Variants in ARHGEF6 observed in about 807,000 individuals in gnomAD.
The protein encoded by ARHGEF6 is Rac/Cdc42 guanine nucleotide exchange factor 6.
Under a neutral mutation model 70.3 loss-of-function variants are expected in ARHGEF6, and 9 were observed. That is an observed-to-expected ratio of 0.13 (90% confidence interval 0.08 to 0.22). The LOEUF (loss-of-function observed/expected upper bound fraction) is 0.22, where lower values mean the gene tolerates loss of function less well. Among genes scored for constraint, ARHGEF6 ranks in the 10% least tolerant of loss-of-function variants. ARHGEF6 has a pLI of 1.00. For missense variants in ARHGEF6, 470 were observed against 563.0 expected (o/e 0.83, Z 1.67); for synonymous variants, 201 against 207.8 (o/e 0.97, Z 0.28).
intron 2 of ARHGEF6, among the ~76,000 whole-genome samples, chrX:136,770,620 A>G (rs2077356705): frequency 8.9e-6 from 1 of 112,627 alleles, no homozygotes; most frequent in Non-Finnish European, 1.9e-5. Context: ...CTCTTGTATA[A>G]GAAAACCATA....
chrX:136,673,852 C>T (rs986738580), intron 19 of ARHGEF6, among the ~76,000 whole-genome samples: 3 of 110,252 alleles, frequency 2.7e-5, no homozygotes, highest in Admixed American at 9.6e-5. Context: ...CTCTCTCTCC[C>T]CCCACCTCTC....
At chrX:136,767,719 G>A (rs2077332206) in intron 2 of ARHGEF6, 1 of 753,310 alleles carries the variant, frequency 1.3e-6, no homozygotes, top group African/African-American at 2.3e-5. Flanking sequence ...CCTCCTGCCC[G>A]CAGCCGGAGC....
chrX:136,671,980 C>T (rs780620214), intron 20 of ARHGEF6, 40 bp downstream of exon 20: 3 of 1,106,226 alleles, frequency 2.7e-6, no homozygotes, highest in African/African-American at 3.6e-5. Flanking sequence ...TCTTGCCAGC[C>T]CCAAGAGAAA....
chrX:136,678,510 A>T (rs1470194646), intron 16 of ARHGEF6, among the ~76,000 whole-genome samples: 1 of 112,040 alleles, frequency 8.9e-6, no homozygotes, highest in Non-Finnish European at 1.9e-5. Context: ...TATATAACAA[A>T]GATTCAGTTC....
intron 9 of ARHGEF6, among the ~76,000 whole-genome samples, chrX:136,696,811 C>T (rs912481717): frequency 1.8e-5 from 2 of 110,260 alleles, no homozygotes; most frequent in Non-Finnish European, 3.8e-5. Context: ...TTGACAGAAG[C>T]TCCATTCCGG....
At chrX:136,777,784 A>ACACC (rs2077418181) in intron 2 of ARHGEF6, among the ~76,000 whole-genome samples, 1 of 110,412 alleles carries the variant, frequency 9.1e-6, no homozygotes, top group African/African-American at 3.3e-5. Context: ...ACACACACAC[A>ACACC]CACCATGGAA....
rs891419740 is a variant in ARHGEF6, at chrX:136,665,810, C to T, written c.*2219G>A. On this transcript the variant is annotated 3_prime_UTR_variant, in exon 22 of 22. Transcript: ENST00000250617. ...TTTATATTATAGTTTAGTGTGTAAG[C>T]ATGGTTACCACTCTGCACAAGCTTC... The T allele has an allele frequency of 8.9e-6, 1 of 112,037 alleles. No individual in the cohort carries two copies. Among genetic ancestry groups the T allele is most frequent in the African/African-American group, 3.3e-5 (1 of 30,693 alleles). 9.2% of individuals were successfully genotyped at this position (112,037 alleles called of 1,213,427 possible).
intron 21 of ARHGEF6, among the ~76,000 whole-genome samples, chrX:136,668,518 C>A (rs1162721114): frequency 2.7e-4 from 26 of 97,571 alleles, no homozygotes; most frequent in African/African-American, 1.1e-3. Flanking sequence ...GGTATTTCTT[C>A]TTCTTCTTCT....
intron 2 of ARHGEF6, among the ~76,000 whole-genome samples, chrX:136,768,918 G>A (rs2077342770): frequency 9.4e-6 from 1 of 106,499 alleles, no homozygotes; most frequent in African/African-American, 3.4e-5. Context: ...GGGGGTGGGG[G>A]CAGAGAAAAA....
chrX:136,747,905 A>G (rs1293845014), intron 2 of ARHGEF6, among the ~76,000 whole-genome samples: 2 of 110,427 alleles, frequency 1.8e-5, no homozygotes, highest in Admixed American at 1.9e-4. Flanking sequence ...TGAATGTATC[A>G]ATAGTTTCAG....
chrX:136,777,519 T>C (rs2077415766), intron 2 of ARHGEF6, among the ~76,000 whole-genome samples: 1 of 111,279 alleles, frequency 9.0e-6, no homozygotes. Flanking sequence ...ACAACCACTA[T>C]GGAAAACCTT....
At position 136,667,131 on chromosome X, in the gene ARHGEF6, T is replaced by C. The variant is rs1258220909; in HGVS notation, c.*898A>G. The C allele has an allele frequency of 5.3e-5, 6 of 112,526 alleles. No individual in the cohort carries two copies. The highest frequency in any genetic ancestry group is 9.4e-5 in the Non-Finnish European group (5 of 53,291). The allele number at this position is 112,526 out of a possible 1,213,427, so 9.3% of individuals were successfully genotyped here. On this transcript the variant is annotated 3_prime_UTR_variant, in exon 22 of 22. Coordinates refer to ENST00000250617, the MANE Select transcript of ARHGEF6 (RefSeq NM_004840.3). ...TTAAAAAGTAAGCAAAGCACATACA[T>C]ACTAGTTTACACACCACTTGGTAAG...
intron 9 of ARHGEF6, among the ~76,000 whole-genome samples, chrX:136,703,572 G>A (rs1310263327): frequency 1.8e-5 from 2 of 112,288 alleles, no homozygotes; most frequent in South Asian, 3.7e-4. Context: ...GCCCAGGCAG[G>A]AGTGCAATGG....
chrX:136,757,127 G>A (rs1388162322), intron 2 of ARHGEF6, among the ~76,000 whole-genome samples: 2 of 112,990 alleles, frequency 1.8e-5, no homozygotes, highest in Non-Finnish European at 3.7e-5. Context: ...AGCACTTTGG[G>A]AGGCTGAGGT....
chrX:136,761,113 T>C (rs1398021955), intron 2 of ARHGEF6, among the ~76,000 whole-genome samples: 1 of 112,372 alleles, frequency 8.9e-6, no homozygotes, highest in East Asian at 2.8e-4. Flanking sequence ...AAGAATTCAG[T>C]TGCTTTGTCT....
chrX:136,683,550 G>T (rs1012080398), intron 12 of ARHGEF6, among the ~76,000 whole-genome samples: 2 of 110,637 alleles, frequency 1.8e-5, no homozygotes, highest in African/African-American at 6.6e-5. Context: ...TAGAGATGGG[G>T]TTTCTCCATG....
At position 136,719,626 on chromosome X, in the gene ARHGEF6, A is replaced by C. The variant is rs183391847; in HGVS notation, c.733-6256T>G. 2.7e-3 allele frequency among the ~76,000 whole-genome samples: 305 copies of C among 111,553 alleles called. 6 individuals carry two copies. The highest frequency in any genetic ancestry group is 0.02 in the Admixed American group (214 of 10,494). On this transcript the variant is annotated intron_variant, in intron 6 of 21. Transcript: ENST00000250617. ...CAAAAAGAAGAGCAAACTAAATCTA[A>C]AGCACACAGAAGAAAAGAAATAATA... is the stretch of plus-strand genomic sequence containing the variant.
In ARHGEF6 at chrX:136,727,326, T is replaced by TC. The variant is rs1296265540; in HGVS notation, c.732+4775_732+4776insG. 5.2e-3 allele frequency among the ~76,000 whole-genome samples: 166 copies of TC among 31,751 alleles called. 1 individual carries two copies. The highest frequency in any genetic ancestry group is 7.8e-3 in the South Asian group (4 of 516). The allele number at this position is 31,751 out of a possible 115,157, so 27.6% of individuals were successfully genotyped here. A position where few individuals can be genotyped will look rare whatever the true frequency, so the allele number is the denominator to read the frequency against. On this transcript the variant is annotated intron_variant, in intron 6 of 21. Coordinates refer to ENST00000250617, the MANE Select transcript of ARHGEF6 (RefSeq NM_004840.3). ...TGTAGTCTTTCTTTCTTTCTTTCTT[T>TC]TTCTTTCTTTCTTTCTTTCTTTCTT... is the stretch of plus-strand genomic sequence containing the variant.
intron 19 of ARHGEF6, among the ~76,000 whole-genome samples, chrX:136,672,602 T>C (rs1391953402): frequency 8.9e-6 from 1 of 112,289 alleles, no homozygotes; most frequent in Non-Finnish European, 1.9e-5. Flanking sequence ...CCCCCATTTG[T>C]TCTCTTTACA....
Sources: allele counts gnomAD v4.1 joint callset (sites outside exome capture counted in the v4.1 genomes callset), GRCh38; gene constraint gnomAD v4.1.1; transcripts MANE v1.5; gene names NCBI Gene and HGNC (gene_info 2026-07-23, HGNC 2026-07-21).